Variants in EHBP1L1 observed in about 807,000 individuals in gnomAD.
EHBP1L1 encodes the protein EH domain-binding protein 1-like protein 1.
In EHBP1L1, 122 loss-of-function variants were observed where a neutral mutation model predicts 151.1. The observed-to-expected ratio is 0.81, with a 90% CI of 0.70 to 0.94. The LOEUF (loss-of-function observed/expected upper bound fraction) is 0.94. Ranked by LOEUF, EHBP1L1 falls within the 40% of genes least tolerant of loss-of-function variation. EHBP1L1 has a pLI of 0.00. For synonymous variants in EHBP1L1, 878 were observed against 810.1 expected, an observed-to-expected ratio of 1.08 and a Z score of -1.42; for missense variants, 1,941 against 1,959.8, an observed-to-expected ratio of 0.99 and a Z score of 0.18.
In EHBP1L1 at chr11:65,590,093, T is replaced by C. The variant is rs776782172; in HGVS notation, c.4066T>C (p.Phe1356Leu). 2.9e-5 allele frequency: 47 copies of C among 1,613,516 alleles called. No individual in the cohort carries two copies. Among genetic ancestry groups the C allele is most frequent in the Non-Finnish European group, 4.0e-5 (47 of 1,179,770 alleles). Residue 1356 changes from phenylalanine to leucine, a missense_variant, in exon 15 of 19, where the codon TTC (phenylalanine) becomes CTC (leucine). Physicochemically the swap from Phe to Leu is conservative, Grantham distance 22 (BLOSUM62 0). Transcript: ENST00000309295. ...SPGEEAGLQR[F>L]QDTSQYVCAE... is the part of the protein sequence containing the mutation. ...CTGCCTTTTCCACCCCCAGCAACGG[T>C]TCCAGGACACAAGTCAGTACGTGTG...
Position 65,583,069 on chromosome 11 carries a change from A to G in EHBP1L1, c.2397A>G (p.Lys799=), listed in dbSNP as rs1857721421. The change falls in exon 9 of 19, where the codon AAA becomes AAG. Residue 799 remains lysine (K), a synonymous_variant. Coordinates refer to ENST00000309295, the MANE Select transcript of EHBP1L1 (RefSeq NM_001099409.3). ...CTGATACAACAGGGATCCAGGTGAA[A>G]GAGGTTGGGGGTTCAGAGGTTCCAG... is the stretch of plus-strand genomic sequence containing the variant. ...LEADTTGIQV[K]EVGGSEVPEI... 6.2e-7 allele frequency: 1 copy of G among 1,613,184 alleles called. No individual in the cohort carries two copies. The highest frequency in any genetic ancestry group is 8.5e-7 in the Non-Finnish European group (1 of 1,179,714).
At chr11:65,587,174 A>T (rs1424332060) in intron 12 of EHBP1L1, among the ~76,000 whole-genome samples, 1 of 152,218 alleles carries the variant, frequency 6.6e-6, no homozygotes, top group East Asian at 1.9e-4. Context: ...GGAGATCAAG[A>T]CCATCCTGGC....
Position 65,584,986 on chromosome 11 carries a change from G to A in EHBP1L1, c.3328G>A (p.Val1110Met), listed in dbSNP as rs1857863647. The A allele has an allele frequency of 6.5e-7, 1 of 1,534,186 alleles. No individual in the cohort carries two copies. The highest frequency in any genetic ancestry group is 8.7e-7 in the Non-Finnish European group (1 of 1,146,178). ...CTTCGATGGCTTCGCGGCTCTGGGC[G>A]TGTCGCGGCTGCTGGAGCCCGCGGA... ...QAFDGFAALGVSRLLEPADMV... is the reference protein window; with the variant it reads ...QAFDGFAALGMSRLLEPADMV... Residue 1110 changes from valine to methionine, a missense_variant, in exon 12 of 19, where the codon GTG becomes ATG. Val to Met is a conservative substitution (Grantham distance 21). Transcript: ENST00000309295.
chr11:65,588,835 G>C (rs1858108829), intron 12 of EHBP1L1, among the ~76,000 whole-genome samples: 1 of 152,236 alleles, frequency 6.6e-6, no homozygotes, highest in South Asian at 2.1e-4. Context: ...TGAGCATGCA[G>C]CAGCCGCTCC....
At chr11:65,579,841 A>AT in intron 3 of EHBP1L1, 95 bp from the exon 4 acceptor site, 1 of 1,340,124 alleles carries the variant, frequency 7.5e-7, no homozygotes, top group Non-Finnish European at 1.0e-6. Context: ...AAAAAAAAAA[A>AT]GCCACCACTA....
At chr11:65,589,495 C>G (rs1313520886) in intron 12 of EHBP1L1, among the ~76,000 whole-genome samples, 1 of 152,190 alleles carries the variant, frequency 6.6e-6, no homozygotes, top group East Asian at 1.9e-4. Flanking sequence ...TTGGGAGGCT[C>G]GGAGCCTGGG....
intron 1 of EHBP1L1, among the ~76,000 whole-genome samples, chr11:65,577,642 T>A (rs989795490): frequency 2.6e-5 from 4 of 152,024 alleles, no homozygotes; most frequent in South Asian, 2.1e-4. Context: ...GTGCCCAGCC[T>A]GAGTCAGGCT....
Position 65,581,174 on chromosome 11 carries a change from TG to T in EHBP1L1, c.704-34del, listed in dbSNP as rs763545032. On this transcript the variant is annotated intron_variant, in intron 7 of 18. Transcript: ENST00000309295. ...GGGTGGAGACTGGACCCCAGGTCAC[TG>T]GGCCCAGGCCACAGTGTCCCCCTCT... 5 of 1,611,440 alleles carry T rather than the reference TG, an allele frequency of 3.1e-6. 1 individual carries two copies. In the South Asian group the frequency reaches 4.4e-5, roughly 14 times the overall value.
Position 65,590,217 on chromosome 11 carries a change from C to T in EHBP1L1, c.4183+7C>T. The T allele has an allele frequency of 6.2e-7, 1 of 1,612,674 alleles. No homozygotes were observed. The highest frequency in any genetic ancestry group is 1.7e-4 in the Middle Eastern group (1 of 5,780). ...AGGAGCCTCATGGAGTCAGGTGGGG[C>T]ATACATCTAGGGATCCCTTCCCCAA... is the stretch of plus-strand genomic sequence containing the variant. On this transcript the variant is annotated splice_region_variant and intron_variant, in intron 15 of 18. Transcript: ENST00000309295.
rs1212845976 is a variant in EHBP1L1, at chr11:65,585,038, A to G, written c.3380A>G (p.Lys1127Arg). The G allele has an allele frequency of 1.8e-5, 28 of 1,538,358 alleles. No homozygotes were observed. The highest frequency in any genetic ancestry group is 2.4e-5 in the Non-Finnish European group (27 of 1,148,768). ...ADMVLLSVPDKLIVMTYLCQI... is the reference protein window; with the variant it reads ...ADMVLLSVPDRLIVMTYLCQI... ...ATGGTGCTACTGTCGGTGCCCGACAAGCTCATCGTCATGACGTACCTGTGC... is the reference window on the plus strand; with the variant it reads ...ATGGTGCTACTGTCGGTGCCCGACAGGCTCATCGTCATGACGTACCTGTGC... The change falls in exon 12 of 19, where the codon AAG (lysine) becomes AGG (arginine). Residue 1127 changes from lysine (K) to arginine (R), a missense_variant. Transcript: ENST00000309295. This position sits in a 1 kb window ranked among gnomAD's most constrained non-coding sequence, Gnocchi z 4.0.
At chr11:65,586,777 C>T (rs1177110099) in intron 12 of EHBP1L1, among the ~76,000 whole-genome samples, 1 of 152,226 alleles carries the variant, frequency 6.6e-6, no homozygotes, top group Non-Finnish European at 1.5e-5. Flanking sequence ...GTCAAGAGGA[C>T]AAGGCCAGCT....
chr11:65,585,382 G>T lies in EHBP1L1; in HGVS notation c.3724G>T (p.Gly1242Trp). 8.2e-7 allele frequency: 1 copy of T among 1,224,136 alleles called. No homozygotes were observed. The highest frequency in any genetic ancestry group is 1.0e-6 in the Non-Finnish European group (1 of 980,366). The allele number at this position is 1,224,136 out of a possible 1,614,324, so 75.8% of individuals were successfully genotyped here. ...GGTCCCGGCCGAGGGGCTGGTGAAC[G>T]GGGCGGGGGCACCGGGCGGCGGCGG... is the stretch of plus-strand genomic sequence containing the variant. Reference protein sequence around the residue: ...AEVPAEGLVNGAGAPGGGGVR... With the variant: ...AEVPAEGLVNWAGAPGGGGVR... The change falls in exon 12 of 19, where the codon GGG becomes TGG. Residue 1242 changes from glycine to tryptophan, a missense_variant. Coordinates refer to ENST00000309295, the MANE Select transcript of EHBP1L1 (RefSeq NM_001099409.3). The surrounding 1 kb of genome is among the most constrained non-coding windows in gnomAD (Gnocchi z 4.0).
rs1857559936 is a variant in EHBP1L1, at chr11:65,580,801, C to T, written c.635-257C>T. The T allele has an allele frequency of 3.3e-6, 3 of 912,444 alleles. No individual in the cohort carries two copies. In the South Asian group the frequency reaches 5.9e-5, roughly 18 times the overall value. The allele number at this position is 912,444 out of a possible 1,614,324, so 56.5% of individuals were successfully genotyped here. A position where few individuals can be genotyped will look rare whatever the true frequency, so the allele number is the denominator to read the frequency against. On this transcript the variant is annotated intron_variant, in intron 6 of 18. Transcript: ENST00000309295. ...AAGCCCGGCTCCTGATCCCTCACCA[C>T]CAGCCCTCCTGGGCCAGCTGGGGCT...
intron 1 of EHBP1L1, among the ~76,000 whole-genome samples, chr11:65,576,679 G>A (rs1304230957): frequency 6.6e-6 from 1 of 152,166 alleles, no homozygotes; most frequent in Admixed American, 6.5e-5. Flanking sequence ...CTCAGCTGCG[G>A]TCAGGGCTGG....
rs755872896 is a variant in EHBP1L1, at chr11:65,576,324, C to T, written c.22C>T (p.Leu8=). The change falls in exon 1 of 19, where the codon CTG becomes TTG. Residue 8 remains leucine (L), a synonymous_variant. Coordinates refer to ENST00000309295, the MANE Select transcript of EHBP1L1 (RefSeq NM_001099409.3). MTSVWKR[L]QRVGKRAAKF... ...GGCCATGACCTCGGTGTGGAAGCGC[C>T]TGCAGCGCGTGGGCAAGCGGGCGGC... The T allele has an allele frequency of 1.3e-6, 2 of 1,597,178 alleles. No individual in the cohort carries two copies. The highest frequency in any genetic ancestry group is 1.7e-6 in the Non-Finnish European group (2 of 1,172,778).
At position 65,581,998 on chromosome 11, in the gene EHBP1L1, G is replaced by A. The variant is rs778387395; in HGVS notation, c.1326G>A (p.Ala442=). ...VRHVDTKGPE[A]TGVMPEARCR... ...ATGTGGACACTAAGGGACCAGAGGC[G>A]ACAGGGGTGATGCCTGAGGCAAGAT... Residue 442 remains alanine, a synonymous_variant, in exon 9 of 19, where the codon GCG becomes GCA. Transcript: ENST00000309295. The A allele has an allele frequency of 6.2e-6, 10 of 1,613,774 alleles. No homozygotes were observed. Among genetic ancestry groups the A allele is most frequent in the Admixed American group, 1.7e-5 (1 of 60,022 alleles).
In EHBP1L1 at chr11:65,576,326, G is replaced by A. The variant is rs779872811; in HGVS notation, c.24G>A (p.Leu8=). 1.3e-5 allele frequency: 21 copies of A among 1,597,454 alleles called. No individual in the cohort carries two copies. Among genetic ancestry groups the A allele is most frequent in the Non-Finnish European group, 1.8e-5 (21 of 1,172,866 alleles). Residue 8 remains leucine, a synonymous_variant, in exon 1 of 19, where the codon CTG becomes CTA. Transcript: ENST00000309295. The part of the protein sequence containing the change: MTSVWKR[L]QRVGKRAAKF... Reference sequence around the variant, plus strand: ...CCATGACCTCGGTGTGGAAGCGCCTGCAGCGCGTGGGCAAGCGGGCGGCCA... The same window carrying A: ...CCATGACCTCGGTGTGGAAGCGCCTACAGCGCGTGGGCAAGCGGGCGGCCA...
Position 65,580,128 on chromosome 11 carries a change from G to T in EHBP1L1, c.360G>T (p.Leu120=). The T allele has an allele frequency of 6.2e-7, 1 of 1,613,500 alleles. No homozygotes were observed. Among genetic ancestry groups the T allele is most frequent in the South Asian group, 1.1e-5 (1 of 91,076 alleles). Residue 120 remains leucine, a synonymous_variant, in exon 5 of 19, where the codon CTG becomes CTT. Transcript: ENST00000309295. The part of the protein sequence containing the change: ...RKVLATAEVD[L]ARHAGPVPVQ... Reference sequence around the variant, plus strand: ...TGCTGGCCACGGCCGAGGTGGACCTGGCCCGCCATGCAGGGCCCGTGCCTG... The same window carrying T: ...TGCTGGCCACGGCCGAGGTGGACCTTGCCCGCCATGCAGGGCCCGTGCCTG...
Position 65,584,319 on chromosome 11 carries a change from C to T in EHBP1L1, c.3172C>T (p.Arg1058Cys), listed in dbSNP as rs768779069. ...QEVTTGYRGV[R>C]ITNFTTSWRN... is the part of the protein sequence containing the mutation. ...AGTCACCACTGGCTACCGTGGCGTC[C>T]GCATCACCAACTTCACCACATCCTG... Residue 1058 changes from arginine to cysteine, a missense_variant, in exon 10 of 19, where the codon CGC becomes TGC. Physicochemically the swap from Arg to Cys is radical, Grantham distance 180. Coordinates refer to ENST00000309295, the MANE Select transcript of EHBP1L1 (RefSeq NM_001099409.3). 54 of 1,611,278 alleles carry T rather than the reference C, an allele frequency of 3.4e-5. No individual in the cohort carries two copies. The highest frequency in any genetic ancestry group is 3.2e-4 in the Admixed American group (19 of 59,692).
Sources: allele counts gnomAD v4.1 joint callset (sites outside exome capture counted in the v4.1 genomes callset), GRCh38; gene constraint gnomAD v4.1.1; non-coding constraint Gnocchi (gnomAD v3.1); transcripts MANE v1.5; gene names NCBI Gene and HGNC (gene_info 2026-07-23, HGNC 2026-07-21).